The following FHAD1 variants were observed in gnomAD, a reference collection of about 807,000 sequenced individuals.
The protein encoded by FHAD1 is forkhead-associated domain-containing protein 1.
FHAD1 carries 146 observed loss-of-function variants against 191.3 expected under a neutral mutation model. That is an observed-to-expected ratio of 0.76 (90% CI 0.67 to 0.88). FHAD1 has a LOEUF of 0.88. Ranked by LOEUF, FHAD1 falls within the 40% of genes least tolerant of loss-of-function variation. The pLI is 0.00. For missense variants in FHAD1, 1,635 were observed against 1,785.8 expected, an observed-to-expected ratio of 0.92 and a Z score of 1.52; for synonymous variants, 616 against 672.3, an observed-to-expected ratio of 0.92 and a Z score of 1.29.
intron 2 of FHAD1, among the ~76,000 whole-genome samples, chr1:15,263,510 CTTTTTTTTTTT>C (rs771788861): frequency 3.3e-4 from 25 of 75,058 alleles, no homozygotes; most frequent in East Asian, 2.6e-3. Flanking sequence ...CAGTTTTATT[CTTTTTTTTTTT>C]TTTTTTTTTT....
Position 15,250,130 on chromosome 1 carries a change from T to C in FHAD1, c.-14-1641T>C, listed in dbSNP as rs183719088. ...ACTAGTTGATTTTTGTTTTTACCCA[T>C]AGTCCAATAATTTGTCATTTCACTG... On this transcript the variant is annotated intron_variant, in intron 1 of 33. Transcript: ENST00000688493. 2.0e-4 allele frequency among the ~76,000 whole-genome samples: 30 copies of C among 152,340 alleles called. No homozygotes were observed. The East Asian group carries it at 4.4e-3, about 23-fold the overall frequency.
rs180970639 is a variant in FHAD1 at position 15,382,005 on chromosome 1, C to T, written c.4023-23C>T. On this transcript the variant is annotated intron_variant, in intron 30 of 33. Coordinates refer to ENST00000688493, the MANE Select transcript of FHAD1 (RefSeq NM_001391957.1). ...TTGGGAAAGATAAGGGAAAAACAGA[C>T]GCCATCTCTCCTGTGCACCCAGGCG... is the stretch of plus-strand genomic sequence containing the variant. 2.5e-4 allele frequency: 394 copies of T among 1,549,326 alleles called. 2 individuals are homozygous for T. The East Asian group carries it at 4.0e-3, about 16-fold the overall frequency.
chr1:15,317,326 G>A (rs1311631074), intron 9 of FHAD1, among the ~76,000 whole-genome samples: 1 of 152,188 alleles, frequency 6.6e-6, no homozygotes, highest in African/African-American at 2.4e-5. Flanking sequence ...CCAGGTGTGC[G>A]TTTTCCACTC....
chr1:15,383,377 C>G (rs769512952), intron 31 of FHAD1: 7 of 403,782 alleles, frequency 1.7e-5, no homozygotes, highest in Admixed American at 1.6e-4. Flanking sequence ...CCATGCTGCC[C>G]GTGACCCATG....
intron 14 of FHAD1, among the ~76,000 whole-genome samples, chr1:15,331,469 T>G (rs567372692): frequency 2.0e-4 from 16 of 80,472 alleles, no homozygotes; most frequent in Admixed American, 4.7e-4. Flanking sequence ...GAAGGGTGAG[T>G]GGGTGGGTGG....
rs1480875275 is a variant in FHAD1 at position 15,329,722 on chromosome 1, C to T, written c.1906+181C>T. ...TTTCCATTAAAAAAAAAAACACACA[C>T]ATACAAGTGAGACACGATAACTGAA... is the stretch of plus-strand genomic sequence containing the variant. On this transcript the variant is annotated intron_variant, in intron 14 of 33. Transcript: ENST00000688493. This position sits in a 1 kb window ranked among gnomAD's most constrained non-coding sequence, Gnocchi z 5.0. 3.7e-6 allele frequency: 2 copies of T among 546,832 alleles called. No homozygotes were observed. The highest frequency in any genetic ancestry group is 6.5e-6 in the Non-Finnish European group (2 of 306,976). 33.9% of individuals were successfully genotyped at this position (546,832 alleles called of 1,614,324 possible). A position where few individuals can be genotyped will look rare whatever the true frequency, so the allele number is the denominator to read the frequency against.
In FHAD1 at chr1:15,316,410, A is replaced by G; in HGVS notation, c.1203A>G (p.Glu401=). 11 of 1,551,740 alleles carry G rather than the reference A, an allele frequency of 7.1e-6. No homozygotes were observed. Among genetic ancestry groups the G allele is most frequent in the Non-Finnish European group, 9.6e-6 (11 of 1,147,012 alleles). The stretch of plus-strand genomic sequence containing the variant: ...TGCTAAAGGAAGAGTTAAAACAGGA[A>G]GATGCTCACAGGGAGCTCAGGGAAG... ...CSVLKEELKQ[E]DAHRELREAQ... The change falls in exon 9 of 34, where the codon GAA becomes GAG. Residue 401 remains glutamate (E), a synonymous_variant. Coordinates refer to ENST00000688493, the MANE Select transcript of FHAD1 (RefSeq NM_001391957.1). The surrounding 1 kb of genome is among the most constrained non-coding windows in gnomAD (Gnocchi z 4.3).
intron 3 of FHAD1, among the ~76,000 whole-genome samples, chr1:15,274,438 T>C (rs149891085): frequency 0.012 from 1,843 of 151,788 alleles, 52 homozygotes; most frequent in African/African-American, 0.042. Flanking sequence ...TGAAACCCCG[T>C]CTCTACTGAA....
At chr1:15,281,147 G>A (rs749099766) in intron 3 of FHAD1, among the ~76,000 whole-genome samples, 1 of 152,222 alleles carries the variant, frequency 6.6e-6, no homozygotes, top group Non-Finnish European at 1.5e-5. Flanking sequence ...AGATGGAGAA[G>A]GCTGTCTTCC....
chr1:15,396,316 C>A (rs1317607374), intron 33 of FHAD1, among the ~76,000 whole-genome samples: 1 of 148,226 alleles, frequency 6.7e-6, no homozygotes, highest in Non-Finnish European at 1.5e-5. Context: ...AGTGAGACCC[C>A]ATATCAAGAA....
chr1:15,297,697 C>G (rs1047087497), intron 5 of FHAD1, among the ~76,000 whole-genome samples: 1 of 152,206 alleles, frequency 6.6e-6, no homozygotes, highest in Non-Finnish European at 1.5e-5. Flanking sequence ...TTCTGCCTCA[C>G]TCATGCAACT....
intron 2 of FHAD1, among the ~76,000 whole-genome samples, chr1:15,257,512 G>T (rs988991096): frequency 6.6e-6 from 1 of 152,200 alleles, no homozygotes; most frequent in African/African-American, 2.4e-5. Flanking sequence ...GTCCCATCAG[G>T]ACGCGCCCGT....
At chr1:15,257,906 A>G (rs1217704138) in intron 2 of FHAD1, among the ~76,000 whole-genome samples, 1 of 152,152 alleles carries the variant, frequency 6.6e-6, no homozygotes, top group Admixed American at 6.5e-5. Context: ...CGGTGGCACA[A>G]TCTTGGCTCA....
intron 5 of FHAD1, among the ~76,000 whole-genome samples, chr1:15,299,199 C>CAAAAAAAAAAAAAAAAAAAGAAAA (rs35299485): frequency 2.2e-5 from 1 of 46,390 alleles, no homozygotes; most frequent in Non-Finnish European, 4.2e-5. Context: ...GACCCTGTCT[C>CAAAAAAAAAAAAAAAAAAAGAAAA]AAAAAAAAAA....
rs76482449 is a variant in FHAD1 at position 15,386,279 on chromosome 1, C to T, written c.4189-1772C>T. On this transcript the variant is annotated intron_variant, in intron 31 of 33. Transcript: ENST00000688493. ...AGGCCACTCGGGGGCGGGGGCAGTG[C>T]CTGCATCGCTTTCAATGAGCTTCCT... Among the ~76,000 whole-genome samples the T allele has an allele frequency of 6.5e-3, 987 of 152,326 alleles. 15 individuals are homozygous for T. Among genetic ancestry groups the T allele is most frequent in the African/African-American group, 0.023 (946 of 41,566 alleles).
At chr1:15,376,238 C>T (rs879364182) in intron 28 of FHAD1, among the ~76,000 whole-genome samples, 5 of 151,986 alleles carry the variant, frequency 3.3e-5, no homozygotes, top group East Asian at 1.9e-4. Flanking sequence ...TACAGGCACC[C>T]GCCACCACAC....
At chr1:15,291,102 C>T (rs940305438) in intron 4 of FHAD1, among the ~76,000 whole-genome samples, 1 of 147,130 alleles carries the variant, frequency 6.8e-6, no homozygotes, top group Non-Finnish European at 1.5e-5. Flanking sequence ...TAACATTTTA[C>T]TATACTCTTT....
intron 21 of FHAD1, among the ~76,000 whole-genome samples, chr1:15,360,100 A>G (rs1026387563): frequency 6.6e-6 from 1 of 152,202 alleles, no homozygotes; most frequent in Non-Finnish European, 1.5e-5. Context: ...GTGACAGAGC[A>G]AGACTCTGTC....
intron 20 of FHAD1, among the ~76,000 whole-genome samples, chr1:15,353,573 C>T (rs1231914857): frequency 1.3e-5 from 2 of 151,850 alleles, no homozygotes; most frequent in Admixed American, 6.6e-5. Context: ...GGCGTGGTGG[C>T]ACGCGCCTGT....
Sources: gnomAD v4.1 joint callset for allele counts (sites outside exome capture counted in the v4.1 genomes callset) on GRCh38, gnomAD v4.1.1 for gene constraint, Gnocchi (gnomAD v3.1) non-coding constraint, MANE v1.5 for transcripts, NCBI Gene and HGNC (gene_info 2026-07-23, HGNC 2026-07-21) for gene names.